Variants in COL4A2 observed in about 807,000 individuals in gnomAD.
COL4A2 encodes collagen alpha-2(IV) chain.
In COL4A2, 99 loss-of-function variants were observed where a neutral mutation model predicts 200.2. That is an observed-to-expected ratio of 0.49 (90% CI 0.42 to 0.58). The LOEUF is 0.58. Ranked by LOEUF, COL4A2 falls within the 20% of genes least tolerant of loss-of-function variation. The pLI is 0.00. For missense variants in COL4A2, 1,950 were observed against 2,314.1 expected (o/e 0.84, Z 3.23); for synonymous variants, 897 against 900.6 (o/e 1.00, Z 0.07).
intron 45 of COL4A2, among the ~76,000 whole-genome samples, chr13:110,505,791 A>G (rs1044197553): frequency 1.3e-5 from 2 of 152,152 alleles, no homozygotes; most frequent in Non-Finnish European, 2.9e-5. Context: ...GGAAGTGTCC[A>G]GCGGAGGGAG....
intron 47 of COL4A2, among the ~76,000 whole-genome samples, chr13:110,509,297 A>ACACACACACACACACACAC (rs1566575730): frequency 7.1e-6 from 1 of 141,822 alleles, no homozygotes; most frequent in African/African-American, 2.6e-5. Context: ...ACACACACAC[A>ACACACACACACACACACAC]ACATAAAATA....
At chr13:110,408,884 C>G (rs970679318) in intron 4 of COL4A2, among the ~76,000 whole-genome samples, 1 of 126,368 alleles carries the variant, frequency 7.9e-6, no homozygotes, top group East Asian at 2.8e-4. Context: ...CATGGACACG[C>G]GCACACGTTT....
Position 110,445,744 on chromosome 13 carries a change from T to A in COL4A2, c.958-85T>A. On this transcript the variant is annotated intron_variant, in intron 16 of 47. Transcript: ENST00000360467. ...TGACTTTAATAAACTGTTGTTCATT[T>A]TGTGAGATATAATAATGCCATTGCA... 2.0e-6 allele frequency: 3 copies of A among 1,507,308 alleles called. No homozygotes were observed. The South Asian group carries it at 3.4e-5, about 17-fold the overall frequency. The allele number at this position is 1,507,308 out of a possible 1,614,324, so 93.4% of individuals were successfully genotyped here. A position where few individuals can be genotyped will look rare whatever the true frequency, so the allele number is the denominator to read the frequency against.
At position 110,440,680 on chromosome 13, in the gene COL4A2, T is replaced by C. The variant is rs533944353; in HGVS notation, c.957+847T>C. Among the ~76,000 whole-genome samples, 10 of 152,282 alleles carry C rather than the reference T, an allele frequency of 6.6e-5. No individual in the cohort carries two copies. In the South Asian group the frequency reaches 2.1e-3, roughly 32 times the overall value. ...GATTTAGAACCGTCTGAACTCTAGG[T>C]CATACACAATGTTATAGTTCAGTGG... On this transcript the variant is annotated intron_variant, in intron 16 of 47. Transcript: ENST00000360467.
intron 3 of COL4A2, among the ~76,000 whole-genome samples, chr13:110,337,753 C>T (rs1005387961): frequency 1.3e-5 from 2 of 152,228 alleles, no homozygotes; most frequent in African/African-American, 4.8e-5. Flanking sequence ...GAAGTCCCTG[C>T]AGCAGGTTCT....
intron 17 of COL4A2, 80 bp downstream of exon 17, chr13:110,445,962 C>T: frequency 6.8e-7 from 1 of 1,472,470 alleles, no homozygotes; most frequent in Non-Finnish European, 9.5e-7. Context: ...TGATGGTGTC[C>T]TGTGGAGGCA....
chr13:110,369,454 C>T (rs1877906671), intron 4 of COL4A2, among the ~76,000 whole-genome samples: 1 of 152,106 alleles, frequency 6.6e-6, no homozygotes, highest in Admixed American at 6.5e-5. Context: ...AAATCCAAAA[C>T]ACTTCTGGTC....
At chr13:110,446,706 C>T (rs2139477170) in intron 17 of COL4A2, 92 bp from the exon 18 acceptor site, 1 of 1,081,226 alleles carries the variant, frequency 9.2e-7, no homozygotes, top group Admixed American at 1.8e-5. Context: ...GCCTGACGGT[C>T]CACGCTCGGG....
chr13:110,504,493 T>C (rs1883773443), intron 45 of COL4A2, among the ~76,000 whole-genome samples: 1 of 152,184 alleles, frequency 6.6e-6, no homozygotes, highest in South Asian at 2.1e-4. Flanking sequence ...ACACCTGCGG[T>C]GCTGTGGAGT....
In COL4A2 at chr13:110,473,131, AG is replaced by A; in HGVS notation, c.2408del (p.Gly803AlafsTer17). Reference sequence around the variant, plus strand: ...GGCTTAAAGGCCTTCCCGGAGACAGAGGCCCCCCTGGATTCAGAGGTGAGTG... The same window carrying A: ...GGCTTAAAGGCCTTCCCGGAGACAGAGCCCCCCTGGATTCAGAGGTGAGTG... The part of the protein sequence containing the change: ...PGLKGLPGDR[G>X]PPGFRGSQGM... On this transcript the variant is annotated frameshift_variant, in exon 29 of 48. Transcript: ENST00000360467. LOFTEE classifies it high-confidence loss of function. 1 of 1,557,892 alleles carries A rather than the reference AG, an allele frequency of 6.4e-7. No individual in the cohort carries two copies. The highest frequency in any genetic ancestry group is 8.7e-7 in the Non-Finnish European group (1 of 1,151,192).
chr13:110,324,623 T>C (rs1251422361), intron 3 of COL4A2, among the ~76,000 whole-genome samples: 1 of 152,242 alleles, frequency 6.6e-6, no homozygotes, highest in Non-Finnish European at 1.5e-5. Context: ...CTGGGGCTCC[T>C]GGGACTCTGC....
At chr13:110,439,909 A>C in intron 16 of COL4A2, 76 bp downstream of exon 16, 4 of 1,541,758 alleles carry the variant, frequency 2.6e-6, no homozygotes, top group Non-Finnish European at 3.5e-6. Context: ...AGGCCTTGGC[A>C]TCTCAGGAAA....
At chr13:110,458,242 G>A in intron 21 of COL4A2, 1 of 412,050 alleles carries the variant, frequency 2.4e-6, no homozygotes, top group Non-Finnish European at 4.9e-6. Flanking sequence ...GCCAACCCCT[G>A]CCGCCAGCAT....
chr13:110,323,197 C>T (rs2139353531), intron 3 of COL4A2, among the ~76,000 whole-genome samples: 1 of 152,306 alleles, frequency 6.6e-6, no homozygotes, highest in Middle Eastern at 3.4e-3. Context: ...CTACATTCCC[C>T]AGAGTTCAAG....
chr13:110,455,557 A>C (rs1354699856), intron 20 of COL4A2, among the ~76,000 whole-genome samples: 1 of 152,158 alleles, frequency 6.6e-6, no homozygotes, highest in African/African-American at 2.4e-5. Context: ...GTGTGTCTCC[A>C]CGTCTAAGCT....
intron 24 of COL4A2, 87 bp downstream of exon 24, chr13:110,462,471 A>G (rs1202789995): frequency 1.4e-6 from 2 of 1,389,992 alleles, no homozygotes; most frequent in Non-Finnish European, 9.9e-7. Context: ...CAGTATTGAC[A>G]TGAGCACTAA....
At chr13:110,484,382 CA>C (rs1883038875) in intron 32 of COL4A2, among the ~76,000 whole-genome samples, 2 of 150,962 alleles carry the variant, frequency 1.3e-5, no homozygotes, top group Non-Finnish European at 2.9e-5. Context: ...CCTGAACTAG[CA>C]CAGTTTCCCG....
intron 3 of COL4A2, among the ~76,000 whole-genome samples, chr13:110,348,179 G>T (rs1643478460): frequency 6.6e-6 from 1 of 152,220 alleles, no homozygotes; most frequent in Non-Finnish European, 1.5e-5. Flanking sequence ...ATAACTGCTG[G>T]CACTCACTGG....
chr13:110,323,726 A>C (rs535060833), intron 3 of COL4A2, among the ~76,000 whole-genome samples: 1 of 152,364 alleles, frequency 6.6e-6, no homozygotes, highest in East Asian at 1.9e-4. Flanking sequence ...ACAGGGACCA[A>C]GCCATGGGCA....
Sources: allele counts gnomAD v4.1 joint callset (sites outside exome capture counted in the v4.1 genomes callset), GRCh38; gene constraint gnomAD v4.1.1; transcripts MANE v1.5; gene names NCBI Gene and HGNC (gene_info 2026-07-23, HGNC 2026-07-21).